Variants in ST6GAL1 observed in about 807,000 individuals in gnomAD.
ST6GAL1 encodes the protein ST6 beta-galactoside alpha-2,6-sialyltransferase 1.
Under a neutral mutation model 38.0 loss-of-function variants are expected in ST6GAL1, and 20 were observed. The ratio of observed to expected loss-of-function variants is 0.53; its 90% CI spans 0.37 to 0.77. ST6GAL1 has a LOEUF of 0.77. ST6GAL1 is among the 30% of genes least tolerant of loss of function. The pLI is 0.00. For missense variants in ST6GAL1, 432 were observed against 496.4 expected (o/e 0.87, Z 1.23); for synonymous variants, 196 against 188.2 (o/e 1.04, Z -0.34).
chr3:187,011,665 C>A (rs1011731947), intron 2 of ST6GAL1, among the ~76,000 whole-genome samples: 1 of 152,208 alleles, frequency 6.6e-6, no homozygotes, highest in Non-Finnish European at 1.5e-5. Flanking sequence ...CTGGTATCTG[C>A]GTCATTAATT....
At chr3:187,022,668 T>C (rs2108566308) in intron 2 of ST6GAL1, among the ~76,000 whole-genome samples, 1 of 152,322 alleles carries the variant, frequency 6.6e-6, no homozygotes, top group African/African-American at 2.4e-5. Context: ...ATCGATTCTC[T>C]GGAGATGCAC....
At chr3:186,950,299 T>G (rs564423022) in intron 1 of ST6GAL1, among the ~76,000 whole-genome samples, 3 of 152,330 alleles carry the variant, frequency 2.0e-5, no homozygotes, top group Non-Finnish European at 4.4e-5. Flanking sequence ...GGCTTCCCCC[T>G]CTCTGCTGGC....
intron 7 of ST6GAL1, 53 bp downstream of exon 7, chr3:187,074,386 G>A (rs1719491154): frequency 6.8e-7 from 1 of 1,465,184 alleles, no homozygotes; most frequent in Admixed American, 2.6e-5. Context: ...GAAGAGATGA[G>A]CTTTTTTTCT....
At chr3:187,006,980 A>T (rs942592038) in intron 2 of ST6GAL1, among the ~76,000 whole-genome samples, 5 of 152,228 alleles carry the variant, frequency 3.3e-5, no homozygotes, top group Admixed American at 1.3e-4. Context: ...TAAATTGCTG[A>T]GAAGGATGAG....
chr3:187,034,514 C>A (rs758769168), intron 2 of ST6GAL1, among the ~76,000 whole-genome samples: 24 of 152,134 alleles, frequency 1.6e-4, no homozygotes, highest in Non-Finnish European at 2.8e-4. Context: ...CAACAAAACA[C>A]TAGCATACCG....
At chr3:187,073,943 C>G (rs184105543) in intron 6 of ST6GAL1, 1 of 397,126 alleles carries the variant, frequency 2.5e-6, no homozygotes, top group Admixed American at 4.5e-5. Flanking sequence ...AACTCTCCCC[C>G]AAAGCACAGG....
intron 2 of ST6GAL1, among the ~76,000 whole-genome samples, chr3:187,002,428 C>T (rs1305683386): frequency 6.6e-6 from 1 of 152,228 alleles, no homozygotes; most frequent in Non-Finnish European, 1.5e-5. Context: ...ACAGCTCATT[C>T]CTCTCCCTGG....
rs2108536860 is a variant in ST6GAL1, at chr3:186,980,043, A to C, written c.-183+16117A>C. On this transcript the variant is annotated intron_variant, in intron 2 of 7. Transcript: ENST00000169298. ...TTCTGAAATTCCAGATACGTAACTG[A>C]GGTTCAGAGAGGTTAAGTAAGTTGC... Among the ~76,000 whole-genome samples the C allele has an allele frequency of 2.6e-5, 4 of 152,320 alleles. 1 individual carries two copies. In the South Asian group the frequency reaches 8.3e-4, roughly 32 times the overall value.
In ST6GAL1 at chr3:186,980,367, T is replaced by C. The variant is rs115365805; in HGVS notation, c.-183+16441T>C. Among the ~76,000 whole-genome samples, 302 of 152,280 alleles carry C rather than the reference T, an allele frequency of 2.0e-3. 2 individuals are homozygous for C. The highest frequency in any genetic ancestry group is 6.8e-3 in the African/African-American group (281 of 41,550). Reference sequence around the variant, plus strand: ...GCTCATGGTTGGCCCTCAAGAAATGTTAGCTGTTAGTATTATAATATAAAT... The same window carrying C: ...GCTCATGGTTGGCCCTCAAGAAATGCTAGCTGTTAGTATTATAATATAAAT... On this transcript the variant is annotated intron_variant, in intron 2 of 7. Coordinates refer to ENST00000169298, the MANE Select transcript of ST6GAL1 (RefSeq NM_173216.2).
chr3:187,068,610 G>T (rs901744512), intron 5 of ST6GAL1, among the ~76,000 whole-genome samples: 3 of 152,202 alleles, frequency 2.0e-5, no homozygotes, highest in Admixed American at 6.5e-5. Flanking sequence ...AAAGCTTCGT[G>T]CATCTCTTGG....
At chr3:186,956,071 T>G (rs557564536) in intron 1 of ST6GAL1, among the ~76,000 whole-genome samples, 1 of 152,220 alleles carries the variant, frequency 6.6e-6, no homozygotes, top group East Asian at 1.9e-4. Flanking sequence ...GACTGTGTCG[T>G]TAGATCGTCT....
Position 186,930,654 on chromosome 3 carries a change from G to A in ST6GAL1, c.-505G>A. ...TCCCGGGCGATCCTGCCCTTGCCGAGCGCGTTTTCTGGAGTCACCTGGGGG... is the reference window on the plus strand; with the variant it reads ...TCCCGGGCGATCCTGCCCTTGCCGAACGCGTTTTCTGGAGTCACCTGGGGG... On this transcript the variant is annotated 5_prime_UTR_variant, in exon 1 of 8. Coordinates refer to ENST00000169298, the MANE Select transcript of ST6GAL1 (RefSeq NM_173216.2). 1 of 152,652 alleles carries A rather than the reference G, an allele frequency of 6.6e-6. No homozygotes were observed. The allele number at this position is 152,652 out of a possible 1,614,324, so 9.5% of individuals were successfully genotyped here.
chr3:186,955,496 T>C (rs143159470), intron 1 of ST6GAL1, among the ~76,000 whole-genome samples: 1,682 of 150,368 alleles, frequency 0.011, 19 homozygotes, highest in Non-Finnish European at 0.016. Context: ...GTTTGTGTCT[T>C]CTCTTTTTTT....
intron 5 of ST6GAL1, among the ~76,000 whole-genome samples, chr3:187,058,793 C>T (rs187841264): frequency 1.5e-3 from 224 of 152,136 alleles, no homozygotes; most frequent in African/African-American, 5.1e-3. Flanking sequence ...AGGCATGCAC[C>T]ACCATACCCA....
intron 1 of ST6GAL1, among the ~76,000 whole-genome samples, chr3:186,961,223 G>A (rs528270626): frequency 3.9e-5 from 6 of 152,156 alleles, no homozygotes; most frequent in Admixed American, 1.3e-4. Context: ...TGATCCTCCC[G>A]CCTTGGCCTC....
intron 2 of ST6GAL1, among the ~76,000 whole-genome samples, chr3:186,976,275 C>T (rs745328124): frequency 2.0e-5 from 3 of 152,182 alleles, no homozygotes; most frequent in Non-Finnish European, 4.4e-5. Context: ...TTCCCCTCCT[C>T]CGTAAGAATT....
chr3:187,051,301 A>G lies in ST6GAL1; in HGVS notation c.660A>G (p.Gln220=), dbSNP rs1169572938. 1.9e-6 allele frequency: 3 copies of G among 1,614,152 alleles called. No individual in the cohort carries two copies. The highest frequency in any genetic ancestry group is 2.5e-6 in the Non-Finnish European group (3 of 1,180,008). The change falls in exon 5 of 8, where the codon CAA becomes CAG. Residue 220 remains glutamine, a synonymous_variant. Transcript: ENST00000169298. ...ATGGGGCACCCACAGCCAACTTCCAACAAGATGTGGGCACAAAAACTACCA... is the reference window on the plus strand; with the variant it reads ...ATGGGGCACCCACAGCCAACTTCCAGCAAGATGTGGGCACAAAAACTACCA... ...RFNGAPTANF[Q]QDVGTKTTIR... is the part of the protein sequence containing the mutation.
chr3:187,000,923 G>A (rs1370135539), intron 2 of ST6GAL1, among the ~76,000 whole-genome samples: 2 of 152,242 alleles, frequency 1.3e-5, no homozygotes, highest in Non-Finnish European at 2.9e-5. Context: ...AACTGGAGTA[G>A]AAATGGGCCA....
In ST6GAL1 at chr3:187,042,954, T is replaced by C. The variant is rs1322169974; in HGVS notation, c.251T>C (p.Leu84Pro). The change falls in exon 4 of 8, where the codon CTA becomes CCA. Residue 84 changes from leucine (L) to proline (P), a missense_variant. By Grantham distance (98) the Leu-to-Pro change is moderately conservative. Coordinates refer to ENST00000169298, the MANE Select transcript of ST6GAL1 (RefSeq NM_173216.2). ...GRQTLGSLRGLAKAKPEASFQ... is the reference protein window; with the variant it reads ...GRQTLGSLRGPAKAKPEASFQ... Reference sequence around the variant, plus strand: ...CAGACCCTCGGCAGTCTCAGAGGCCTAGCCAAGGCCAAACCAGAGGCCTCC... The same window carrying C: ...CAGACCCTCGGCAGTCTCAGAGGCCCAGCCAAGGCCAAACCAGAGGCCTCC... The C allele has an allele frequency of 3.7e-6, 6 of 1,614,166 alleles. No individual in the cohort carries two copies. The highest frequency in any genetic ancestry group is 4.2e-6 in the Non-Finnish European group (5 of 1,180,034).
Sources: gnomAD v4.1 joint callset for allele counts (sites outside exome capture counted in the v4.1 genomes callset) on GRCh38, gnomAD v4.1.1 for gene constraint, MANE v1.5 for transcripts, NCBI Gene and HGNC (gene_info 2026-07-23, HGNC 2026-07-21) for gene names.